The following CEP85L variants were observed in gnomAD, a reference collection of about 807,000 sequenced individuals.
CEP85L encodes centrosomal protein 85L, also known as centrosomal protein of 85 kDa-like.
A neutral mutation model predicts 100.3 loss-of-function variants in CEP85L; 60 were observed. That is an observed-to-expected ratio of 0.60 (90% CI 0.49 to 0.74). The LOEUF (loss-of-function observed/expected upper bound fraction) is 0.74, where lower values mean the gene tolerates loss of function less well. Ranked by LOEUF, CEP85L falls within the 30% of genes least tolerant of loss-of-function variation. The pLI, the probability that CEP85L is intolerant of heterozygous loss-of-function variation, is 0.00. For missense variants in CEP85L, 973 were observed against 936.2 expected (o/e 1.04, Z -0.51); for synonymous variants, 319 against 322.7 (o/e 0.99, Z 0.12).
At chr6:118,621,957 C>T (rs139436374) in intron 2 of CEP85L, among the ~76,000 whole-genome samples, 5 of 152,238 alleles carry the variant, frequency 3.3e-5, no homozygotes, top group Admixed American at 2.0e-4. Context: ...TTATAACAGA[C>T]CCTAGTACAT....
chr6:118,521,194 A>C (rs1776647092), intron 4 of CEP85L, among the ~76,000 whole-genome samples: 1 of 152,210 alleles, frequency 6.6e-6, no homozygotes, highest in East Asian at 1.9e-4. Flanking sequence ...AATCCCATGA[A>C]GTCTGGCTCT....
In CEP85L at chr6:118,644,069, TAA is replaced by T. The variant is rs373220539; in HGVS notation, c.73+7126_73+7127del. Among the ~76,000 whole-genome samples the T allele has an allele frequency of 1.5e-4, 23 of 152,366 alleles. No homozygotes were observed. In the East Asian group the frequency reaches 4.0e-3, roughly 27 times the overall value. On this transcript the variant is annotated intron_variant, in intron 1 of 12. Transcript: ENST00000368491. The stretch of plus-strand genomic sequence containing the variant: ...CACTTATGTATCAATCCTTATGCAA[TAA>T]AGTCAGCTCCACTGGATTAGATAAT...
intron 5 of CEP85L, chr6:118,501,324 G>A: frequency 2.7e-6 from 1 of 363,994 alleles, no homozygotes. Flanking sequence ...ACAGGAGCAG[G>A]GCCTACCAAA....
At chr6:118,568,796 T>A (rs191543870) in intron 2 of CEP85L, among the ~76,000 whole-genome samples, 4 of 152,290 alleles carry the variant, frequency 2.6e-5, no homozygotes, top group Admixed American at 2.0e-4. Flanking sequence ...GAGGGTTGGT[T>A]CTAAATAGAA....
chr6:118,673,586 G>A (rs1776384004), intron 1 of CEP85L, among the ~76,000 whole-genome samples: 2 of 152,180 alleles, frequency 1.3e-5, no homozygotes, highest in African/African-American at 2.4e-5. Flanking sequence ...TGAGGTCTGT[G>A]GGCCCTACCA....
chr6:118,599,977 A>G (rs1781642866), intron 2 of CEP85L, among the ~76,000 whole-genome samples: 1 of 152,212 alleles, frequency 6.6e-6, no homozygotes, highest in Non-Finnish European at 1.5e-5. Flanking sequence ...CTGGATAGGA[A>G]CCAGGAACAG....
chr6:118,661,694 G>A (rs1188347970), intron 1 of CEP85L, among the ~76,000 whole-genome samples: 1 of 152,030 alleles, frequency 6.6e-6, no homozygotes, highest in Non-Finnish European at 1.5e-5. Flanking sequence ...TATATTATTA[G>A]TGGTAATGTT....
At chr6:118,570,372 C>A (rs946467021) in intron 2 of CEP85L, among the ~76,000 whole-genome samples, 1 of 152,144 alleles carries the variant, frequency 6.6e-6, no homozygotes, top group Non-Finnish European at 1.5e-5. Flanking sequence ...CATATCACAG[C>A]GGAATCCTCT....
intron 3 of CEP85L, among the ~76,000 whole-genome samples, chr6:118,547,597 A>G (rs1778280984): frequency 6.6e-6 from 1 of 152,114 alleles, no homozygotes; most frequent in African/African-American, 2.4e-5. Flanking sequence ...TTAAAGTAGC[A>G]TATTGCTATT....
At chr6:118,530,377 C>A (rs1777222668) in intron 3 of CEP85L, among the ~76,000 whole-genome samples, 1 of 147,290 alleles carries the variant, frequency 6.8e-6, no homozygotes, top group Non-Finnish European at 1.5e-5. Flanking sequence ...TAATAAGAGC[C>A]ATGTATGGAA....
At chr6:118,651,923 C>T, upstream of CEP85L, 1 of 985,580 alleles carries the variant, frequency 1.0e-6, no homozygotes, top group South Asian at 4.7e-5. Context: ...ACGTGGAAGA[C>T]CTGCCCCTGG....
At position 118,491,735 on chromosome 6, in the gene CEP85L, T is replaced by C; in HGVS notation, c.1388A>G (p.Lys463Arg). The change falls in exon 6 of 13, where the codon AAA (lysine) becomes AGA (arginine). Residue 463 changes from lysine (K) to arginine (R), a missense_variant. Physicochemically the swap from Lys to Arg is conservative, Grantham distance 26. This residue lies in a region of CEP85L where 890 missense variants were observed against 844.5 expected (regional missense o/e 1.05). Coordinates refer to ENST00000368491, the MANE Select transcript of CEP85L (RefSeq NM_001042475.3). The part of the protein sequence containing the change: ...KEVLQLNEFL[K>R]QRLSLFSEEK... ...TTCACTAAATAGGCTTAGTCTTTGT[T>C]TGAGAAACTCATTAAGCTGTAAAAC... The C allele has an allele frequency of 6.2e-7, 1 of 1,613,282 alleles. No homozygotes were observed. The highest frequency in any genetic ancestry group is 2.2e-5 in the East Asian group (1 of 44,808).
chr6:118,629,145 GAAGT>G (rs139698840), intron 2 of CEP85L, among the ~76,000 whole-genome samples: 3,774 of 152,308 alleles, frequency 0.025, 76 homozygotes, highest in Non-Finnish European at 0.036. Flanking sequence ...AAAGTATACA[GAAGT>G]AAGTGTGTAG....
chr6:118,599,767 T>C (rs1461129312), intron 2 of CEP85L, among the ~76,000 whole-genome samples: 1 of 152,196 alleles, frequency 6.6e-6, no homozygotes, highest in Non-Finnish European at 1.5e-5. Flanking sequence ...TTCATATCTG[T>C]AGTATTCTTG....
At chr6:118,636,971 T>C (rs1237461117) in intron 1 of CEP85L, among the ~76,000 whole-genome samples, 2 of 152,194 alleles carry the variant, frequency 1.3e-5, no homozygotes, top group Non-Finnish European at 2.9e-5. Flanking sequence ...TTGGGAAAAC[T>C]AGAAAAATTC....
chr6:118,479,979 C>T, intron 9 of CEP85L, 58 bp from the exon 10 acceptor site: 2 of 874,340 alleles, frequency 2.3e-6, no homozygotes, highest in South Asian at 1.7e-5. Context: ...CTTAAAAGTA[C>T]CAACATTTCA....
At chr6:118,518,124 C>T (rs944746512) in intron 4 of CEP85L, among the ~76,000 whole-genome samples, 6 of 152,056 alleles carry the variant, frequency 3.9e-5, no homozygotes, top group East Asian at 1.9e-4. Flanking sequence ...CTGCTGGATT[C>T]GGTTTTCCAG....
intron 2 of CEP85L, among the ~76,000 whole-genome samples, chr6:118,616,988 A>G (rs1183190107): frequency 6.6e-6 from 1 of 151,636 alleles, no homozygotes; most frequent in Non-Finnish European, 1.5e-5. Flanking sequence ...ACTTGAGCCC[A>G]GGAGTTCAAG....
At chr6:118,511,512 C>T in intron 4 of CEP85L, 97 bp from the exon 5 acceptor site, 1 of 708,536 alleles carries the variant, frequency 1.4e-6, no homozygotes, top group Admixed American at 2.6e-5. Context: ...CTTTAATATT[C>T]CTCTTAGATT....
Sources: allele counts gnomAD v4.1 joint callset (sites outside exome capture counted in the v4.1 genomes callset), GRCh38; gene constraint gnomAD v4.1.1; regional missense constraint gnomAD v4.1.1; transcripts MANE v1.5; gene names NCBI Gene and HGNC (gene_info 2026-07-23, HGNC 2026-07-21).